The following ERC2 variants were observed in gnomAD, a reference collection of about 807,000 sequenced individuals.
ERC2 encodes ELKS/RAB6-interacting/CAST family member 2.
Under a neutral mutation model 114.8 loss-of-function variants are expected in ERC2, and 42 were observed. The observed-to-expected ratio is 0.37, with a 90% CI of 0.29 to 0.47. The LOEUF is 0.47. Ranked by LOEUF, ERC2 falls within the 20% of genes least tolerant of loss-of-function variation. ERC2 has a pLI of 0.99. For synonymous variants in ERC2, 454 were observed against 425.5 expected, an observed-to-expected ratio of 1.07 and a Z score of -0.82; for missense variants, 939 against 1,150.7, an observed-to-expected ratio of 0.82 and a Z score of 2.66.
chr3:55,894,382 T>C (rs1576066426), intron 13 of ERC2, among the ~76,000 whole-genome samples: 1 of 152,318 alleles, frequency 6.6e-6, no homozygotes, highest in East Asian at 1.9e-4. Context: ...ACTCAAATTA[T>C]ATTAAAATGC....
intron 3 of ERC2, among the ~76,000 whole-genome samples, chr3:56,214,797 G>T (rs529536180): frequency 4.2e-5 from 5 of 118,358 alleles, no homozygotes; most frequent in African/African-American, 1.1e-4. Flanking sequence ...CTGAGCTCTC[G>T]GCAGAAACTC....
chr3:56,082,073 G>A (rs567408557), intron 6 of ERC2, among the ~76,000 whole-genome samples: 6 of 149,064 alleles, frequency 4.0e-5, no homozygotes, highest in Admixed American at 3.3e-4. Context: ...TTTTTTTATT[G>A]GATATATATA....
At chr3:56,056,722 C>A (rs187167207) in intron 7 of ERC2, among the ~76,000 whole-genome samples, 3 of 152,190 alleles carry the variant, frequency 2.0e-5, no homozygotes, top group Admixed American at 1.3e-4. Flanking sequence ...GCTCTCTGAC[C>A]GGTTTTGGTC....
intron 4 of ERC2, among the ~76,000 whole-genome samples, chr3:56,149,793 T>C (rs898939021): frequency 2.6e-5 from 4 of 152,134 alleles, no homozygotes; most frequent in Non-Finnish European, 5.9e-5. Flanking sequence ...CATGACTACC[T>C]TGCAGGGCAG....
chr3:55,956,519 T>A (rs556114036), intron 12 of ERC2, among the ~76,000 whole-genome samples: 2 of 152,104 alleles, frequency 1.3e-5, no homozygotes, highest in East Asian at 3.9e-4. Flanking sequence ...TTCATAAATA[T>A]TCTAAGGATT....
At chr3:56,203,426 A>C (rs1319816709) in intron 3 of ERC2, among the ~76,000 whole-genome samples, 1 of 152,196 alleles carries the variant, frequency 6.6e-6, no homozygotes, top group African/African-American at 2.4e-5. Flanking sequence ...ATAAAGAATT[A>C]TTTCTGACTG....
At chr3:56,405,485 G>C (rs1434402492) in intron 2 of ERC2, among the ~76,000 whole-genome samples, 1 of 151,784 alleles carries the variant, frequency 6.6e-6, no homozygotes, top group Non-Finnish European at 1.5e-5. Flanking sequence ...CCTGATCAAA[G>C]TCAATGTTCA....
At chr3:55,977,733 A>G (rs1023854951) in intron 12 of ERC2, among the ~76,000 whole-genome samples, 2 of 152,230 alleles carry the variant, frequency 1.3e-5, no homozygotes, top group Non-Finnish European at 2.9e-5. Context: ...TTTATCCTAC[A>G]GATATATTCA....
At chr3:55,842,668 A>G (rs2061185155) in intron 14 of ERC2, among the ~76,000 whole-genome samples, 1 of 152,030 alleles carries the variant, frequency 6.6e-6, no homozygotes, top group African/African-American at 2.4e-5. Flanking sequence ...TCAGAATTCC[A>G]GAACCATCCC....
intron 2 of ERC2, among the ~76,000 whole-genome samples, chr3:56,309,150 T>C (rs1448596691): frequency 2.6e-5 from 4 of 152,208 alleles, no homozygotes; most frequent in African/African-American, 9.7e-5. Flanking sequence ...TATTTAGACA[T>C]ATGGTCTAGC....
intron 15 of ERC2, among the ~76,000 whole-genome samples, chr3:55,714,667 GTATATATATA>G (rs59969304): frequency 4.6e-3 from 406 of 88,482 alleles, no homozygotes; most frequent in African/African-American, 8.0e-3. Flanking sequence ...GTGTGTGTGT[GTATATATATA>G]TATATATATA....
At chr3:56,382,250 CT>C (rs768877681) in intron 2 of ERC2, among the ~76,000 whole-genome samples, 1 of 152,226 alleles carries the variant, frequency 6.6e-6, no homozygotes, top group East Asian at 1.9e-4. Context: ...TCCCACCCCC[CT>C]GCTCATGGAT....
chr3:55,599,502 G>T (rs1038059199), intron 17 of ERC2, among the ~76,000 whole-genome samples: 4 of 152,170 alleles, frequency 2.6e-5, no homozygotes, highest in Non-Finnish European at 5.9e-5. Flanking sequence ...TTCTATTCTG[G>T]ATCATGGTTC....
chr3:56,409,191 G>A (rs1228658592), intron 2 of ERC2, among the ~76,000 whole-genome samples: 1 of 152,156 alleles, frequency 6.6e-6, no homozygotes, highest in Non-Finnish European at 1.5e-5. Flanking sequence ...TCAACACTCT[G>A]CTCAGAGTGT....
intron 14 of ERC2, among the ~76,000 whole-genome samples, chr3:55,795,244 A>G (rs1057176757): frequency 1.3e-5 from 2 of 152,166 alleles, no homozygotes; most frequent in South Asian, 2.1e-4. Context: ...CCCTGAGCAC[A>G]GGGGCTCTGC....
At chr3:56,124,421 C>T (rs957841001) in intron 6 of ERC2, among the ~76,000 whole-genome samples, 3 of 152,198 alleles carry the variant, frequency 2.0e-5, no homozygotes, top group Non-Finnish European at 2.9e-5. Context: ...AGGACTGGCA[C>T]GAAGCACCAT....
At chr3:56,436,958 T>A (rs1446974545) in intron 1 of ERC2, among the ~76,000 whole-genome samples, 5 of 152,208 alleles carry the variant, frequency 3.3e-5, no homozygotes, top group Admixed American at 3.3e-4. Flanking sequence ...CATCTATACA[T>A]CTGTTCCCTG....
chr3:55,994,922 C>A (rs2071389908), intron 10 of ERC2, among the ~76,000 whole-genome samples: 1 of 152,320 alleles, frequency 6.6e-6, no homozygotes, highest in South Asian at 2.1e-4. Flanking sequence ...CTGTTGACAT[C>A]ATTTGATGCT....
intron 6 of ERC2, among the ~76,000 whole-genome samples, chr3:56,105,463 T>C (rs9870248): frequency 0.17 from 26,077 of 151,948 alleles, 2,442 homozygotes; most frequent in African/African-American, 0.23. Flanking sequence ...CAGGTGTGCA[T>C]CACCACACCT....
Sources: gnomAD v4.1 joint callset for allele counts (sites outside exome capture counted in the v4.1 genomes callset) on GRCh38, gnomAD v4.1.1 for gene constraint, MANE v1.5 for transcripts, NCBI Gene and HGNC (gene_info 2026-07-23, HGNC 2026-07-21) for gene names.